The following INPP5A variants were observed in gnomAD, a reference collection of about 807,000 sequenced individuals.
The protein encoded by INPP5A is inositol polyphosphate-5-phosphatase A, also known as 43 kDa inositol polyphosphate 5-phophatase.
Under a neutral mutation model 65.2 loss-of-function variants are expected in INPP5A, and 14 were observed. The ratio of observed to expected loss-of-function variants is 0.21; its 90% CI spans 0.14 to 0.34. The LOEUF (loss-of-function observed/expected upper bound fraction) is 0.34, where lower values mean the gene tolerates loss of function less well. Among genes scored for constraint, INPP5A ranks in the 10% least tolerant of loss-of-function variants. The probability of loss-of-function intolerance (pLI) is 1.00; values close to 1 mark genes in which losing one functional copy is unlikely to be tolerated. For missense variants in INPP5A, 431 were observed against 545.6 expected, an observed-to-expected ratio of 0.79 and a Z score of 2.09; for synonymous variants, 207 against 208.3, an observed-to-expected ratio of 0.99 and a Z score of 0.05.
intron 9 of INPP5A, among the ~76,000 whole-genome samples, chr10:132,730,415 AG>A (rs1007182734): frequency 1.3e-5 from 2 of 152,170 alleles, no homozygotes; most frequent in Non-Finnish European, 2.9e-5. Context: ...GCAGCGCGGG[AG>A]GGGGCGCCAT....
intron 4 of INPP5A, among the ~76,000 whole-genome samples, chr10:132,688,776 G>C (rs111597095): frequency 0.016 from 2,357 of 151,318 alleles, 22 homozygotes; most frequent in Non-Finnish European, 0.024. Flanking sequence ...GCACGAATGA[G>C]TTCGTGTGTG....
In INPP5A at chr10:132,546,414, T is replaced by G. The variant is rs2070972374; in HGVS notation, c.75+8243T>G. ...CCGGATCAGCCTGTTACTTGAACCC[T>G]GAGCCCCTGGTGGGTCTCGGTGACC... On this transcript the variant is annotated intron_variant, in intron 1 of 15. Coordinates refer to ENST00000368594, the MANE Select transcript of INPP5A (RefSeq NM_005539.5). The surrounding 1 kb of genome is among the most constrained non-coding windows in gnomAD (Gnocchi z 5.7). Among the ~76,000 whole-genome samples, 1 of 152,110 alleles carries G rather than the reference T, an allele frequency of 6.6e-6. No individual in the cohort carries two copies. Among genetic ancestry groups the G allele is most frequent in the East Asian group, 1.9e-4 (1 of 5,150 alleles).
Position 132,762,083 on chromosome 10 carries a change from G to A in INPP5A, c.904-3690G>A, listed in dbSNP as rs551865637. ...TTGAGGAATGGGATGGCAGGCCTGG[G>A]GAATGGCCCAGAATGCAGCACAGAA... On this transcript the variant is annotated intron_variant, in intron 11 of 15. Transcript: ENST00000368594. The surrounding 1 kb of genome is among the most constrained non-coding windows in gnomAD (Gnocchi z 4.6). Among the ~76,000 whole-genome samples the A allele has an allele frequency of 2.0e-5, 3 of 152,168 alleles. No homozygotes were observed. The highest frequency in any genetic ancestry group is 1.9e-4 in the East Asian group (1 of 5,190).
At position 132,551,303 on chromosome 10, in the gene INPP5A, T is replaced by G. The variant is rs2071045930; in HGVS notation, c.75+13132T>G. Among the ~76,000 whole-genome samples, 1 of 152,230 alleles carries G rather than the reference T, an allele frequency of 6.6e-6. No homozygotes were observed. The highest frequency in any genetic ancestry group is 1.5e-5 in the Non-Finnish European group (1 of 68,034). On this transcript the variant is annotated intron_variant, in intron 1 of 15. Transcript: ENST00000368594. The surrounding 1 kb of genome is among the most constrained non-coding windows in gnomAD (Gnocchi z 5.3). The stretch of plus-strand genomic sequence containing the variant: ...ATGGATGAGCCTGCGAGTGTGAAGC[T>G]GAGAACTGGGTTGACTGCCTGCTGC...
chr10:132,729,226 C>T (rs527769274), intron 9 of INPP5A, among the ~76,000 whole-genome samples: 120 of 152,270 alleles, frequency 7.9e-4, no homozygotes, highest in Non-Finnish European at 1.5e-3. Context: ...GGAGGCATGG[C>T]GGGAGAACAG....
chr10:132,754,979 G>A (rs552159712), intron 11 of INPP5A, among the ~76,000 whole-genome samples: 3 of 152,306 alleles, frequency 2.0e-5, no homozygotes, highest in Admixed American at 2.0e-4. Flanking sequence ...GCAGGCATGT[G>A]TGCGGACGTG....
chr10:132,690,336 C>T (rs1845237357), intron 4 of INPP5A, 56 bp from the exon 5 acceptor site: 2 of 1,112,132 alleles, frequency 1.8e-6, no homozygotes, highest in Non-Finnish European at 2.7e-6. Context: ...TAAAAATGAT[C>T]TTTAGAAATA....
Position 132,771,526 on chromosome 10 carries a change from G to T in INPP5A, c.977+5680G>T, listed in dbSNP as rs147427724. ...TGTAGATCTCCCCTCTCAGACTGCC[G>T]CAGGGGTCCCAGGGACCCACAGGGG... On this transcript the variant is annotated intron_variant, in intron 12 of 15. Transcript: ENST00000368594. Among the ~76,000 whole-genome samples the T allele has an allele frequency of 5.4e-4, 81 of 151,140 alleles. No homozygotes were observed. The East Asian group carries it at 0.015, about 28-fold the overall frequency.
chr10:132,543,025 G>A (rs1351980285), intron 1 of INPP5A, among the ~76,000 whole-genome samples: 2 of 151,634 alleles, frequency 1.3e-5, no homozygotes, highest in African/African-American at 4.9e-5. Flanking sequence ...CCCAGACTGG[G>A]CTCAAACTCC....
intron 9 of INPP5A, among the ~76,000 whole-genome samples, chr10:132,729,332 C>T (rs1846041405): frequency 6.6e-6 from 1 of 152,192 alleles, no homozygotes; most frequent in Non-Finnish European, 1.5e-5. Flanking sequence ...CACACACAGC[C>T]CTCAACCCTC....
In INPP5A at chr10:132,551,270, C is replaced by A. The variant is rs549012478; in HGVS notation, c.75+13099C>A. Among the ~76,000 whole-genome samples the A allele has an allele frequency of 6.6e-6, 1 of 152,382 alleles. No individual in the cohort carries two copies. The highest frequency in any genetic ancestry group is 1.9e-4 in the East Asian group (1 of 5,192). ...GCCCCTTCCTGTGGTCCCTGGCACT[C>A]TGACCACATGGATGAGCCTGCGAGT... On this transcript the variant is annotated intron_variant, in intron 1 of 15. Transcript: ENST00000368594. This position sits in a 1 kb window ranked among gnomAD's most constrained non-coding sequence, Gnocchi z 5.3.
At chr10:132,714,665 G>A (rs891712200) in intron 8 of INPP5A, among the ~76,000 whole-genome samples, 1 of 152,114 alleles carries the variant, frequency 6.6e-6, no homozygotes, top group Non-Finnish European at 1.5e-5. Flanking sequence ...CAGAGGCACC[G>A]TAGGACCTTC....
At chr10:132,755,735 C>T (rs979307565) in intron 11 of INPP5A, among the ~76,000 whole-genome samples, 2 of 151,948 alleles carry the variant, frequency 1.3e-5, no homozygotes, top group Non-Finnish European at 1.5e-5. Flanking sequence ...CAGACCCTAG[C>T]GGCAGCCGCT....
intron 8 of INPP5A, among the ~76,000 whole-genome samples, chr10:132,715,668 G>A (rs1590949353): frequency 6.6e-6 from 1 of 152,252 alleles, no homozygotes; most frequent in East Asian, 1.9e-4. Context: ...GTAAAGAAAA[G>A]CTGCTGCGTC....
intron 8 of INPP5A, among the ~76,000 whole-genome samples, chr10:132,718,985 C>A (rs555784937): frequency 2.1e-5 from 3 of 143,974 alleles, no homozygotes; most frequent in African/African-American, 5.2e-5. Flanking sequence ...TTCTGTGGTA[C>A]CTGGGTTCTG....
chr10:132,758,066 G>T (rs1468398309), intron 11 of INPP5A, among the ~76,000 whole-genome samples: 2 of 142,778 alleles, frequency 1.4e-5, no homozygotes, highest in Non-Finnish European at 1.5e-5. Flanking sequence ...CCAGTGTGAT[G>T]TCGTGGGTCC....
intron 3 of INPP5A, 62 bp downstream of exon 3, chr10:132,646,030 G>A: frequency 8.8e-7 from 1 of 1,131,274 alleles, no homozygotes; most frequent in Non-Finnish European, 1.3e-6. Context: ...TGCCGGCGGG[G>A]GTCTTTTCAT....
At chr10:132,558,787 C>T (rs2133265361) in intron 1 of INPP5A, among the ~76,000 whole-genome samples, 1 of 152,360 alleles carries the variant, frequency 6.6e-6, no homozygotes, top group East Asian at 1.9e-4. Flanking sequence ...CAGCGTGGGA[C>T]CAGGATATTC....
intron 11 of INPP5A, among the ~76,000 whole-genome samples, chr10:132,765,126 C>T (rs183479498): frequency 2.0e-5 from 3 of 151,054 alleles, no homozygotes; most frequent in African/African-American, 4.9e-5. Context: ...GGAACATGGT[C>T]GGGCCAGTCC....
Sources: gnomAD v4.1 joint callset for allele counts (sites outside exome capture counted in the v4.1 genomes callset) on GRCh38, gnomAD v4.1.1 for gene constraint, Gnocchi (gnomAD v3.1) non-coding constraint, MANE v1.5 for transcripts, NCBI Gene and HGNC (gene_info 2026-07-23, HGNC 2026-07-21) for gene names.